ODAD2: variants seen among roughly 807,000 people sequenced by gnomAD.
ODAD2 encodes the protein outer dynein arm-docking complex subunit 2.
Under a neutral mutation model 106.8 loss-of-function variants are expected in ODAD2, and 89 were observed. That is an observed-to-expected ratio of 0.83 (90% CI 0.70 to 0.99). The LOEUF is 0.99. ODAD2 is among the 50% of genes least tolerant of loss of function. The probability of loss-of-function intolerance (pLI) is 0.00; values close to 1 mark genes in which losing one functional copy is unlikely to be tolerated. For missense variants in ODAD2, 1,168 were observed against 1,238.5 expected (o/e 0.94, Z 0.85); for synonymous variants, 404 against 436.2 (o/e 0.93, Z 0.92).
intron 19 of ODAD2, among the ~76,000 whole-genome samples, chr10:27,840,055 A>C (rs904275823): frequency 6.6e-6 from 1 of 152,210 alleles, no homozygotes; most frequent in Non-Finnish European, 1.5e-5. Context: ...GCCTTATGAA[A>C]GAGTTCTTTA....
intron 17 of ODAD2, among the ~76,000 whole-genome samples, chr10:27,880,120 G>A (rs1490453291): frequency 1.3e-5 from 2 of 152,140 alleles, no homozygotes; most frequent in Non-Finnish European, 2.9e-5. Flanking sequence ...AAGCTTTAAA[G>A]TTAGCTGAAA....
At chr10:27,937,157 AG>A in intron 14 of ODAD2, among the ~76,000 whole-genome samples, 1 of 152,260 alleles carries the variant, frequency 6.6e-6, no homozygotes, top group South Asian at 2.1e-4. Flanking sequence ...CCTGAGGCGA[AG>A]GTCAGTGGAA....
intron 19 of ODAD2, 76 bp downstream of exon 19, chr10:27,860,549 T>A: frequency 7.2e-7 from 1 of 1,389,318 alleles, no homozygotes; most frequent in Non-Finnish European, 1.0e-6. Context: ...TTTAGAGAAA[T>A]CTTAGTGATG....
chr10:27,976,437 A>T (rs1263902626), intron 7 of ODAD2, among the ~76,000 whole-genome samples: 4 of 152,144 alleles, frequency 2.6e-5, no homozygotes, highest in African/African-American at 9.7e-5. Flanking sequence ...GCATACAAAA[A>T]TCAAGTGTAT....
intron 19 of ODAD2, among the ~76,000 whole-genome samples, chr10:27,844,973 C>A (rs1170798346): frequency 6.6e-6 from 1 of 152,146 alleles, no homozygotes; most frequent in Non-Finnish European, 1.5e-5. Flanking sequence ...CTTCTAGGCA[C>A]ATTCAATTTT....
intron 6 of ODAD2, 60 bp downstream of exon 6, chr10:27,983,783 C>T: frequency 6.7e-7 from 1 of 1,495,996 alleles, no homozygotes; most frequent in South Asian, 1.2e-5. Context: ...ACCCTTGAGA[C>T]ATCTACAGCT....
chr10:27,915,489 G>A (rs764188316), intron 16 of ODAD2, among the ~76,000 whole-genome samples: 7 of 152,050 alleles, frequency 4.6e-5, no homozygotes, highest in African/African-American at 7.2e-5. Context: ...CTACCCTCAC[G>A]TCCTAATCAC....
At chr10:27,901,657 C>T (rs983732920) in intron 17 of ODAD2, among the ~76,000 whole-genome samples, 2 of 152,046 alleles carry the variant, frequency 1.3e-5, no homozygotes, top group African/African-American at 4.8e-5. Flanking sequence ...GCAGGGGTTG[C>T]AATCCTAGTC....
chr10:27,870,756 G>A (rs544393841), intron 17 of ODAD2, among the ~76,000 whole-genome samples: 1 of 152,208 alleles, frequency 6.6e-6, no homozygotes, highest in South Asian at 2.1e-4. Flanking sequence ...CTCTATCATT[G>A]ATGGACATTT....
intron 19 of ODAD2, among the ~76,000 whole-genome samples, chr10:27,855,077 T>G (rs935632653): frequency 3.3e-5 from 5 of 152,140 alleles, no homozygotes; most frequent in African/African-American, 1.2e-4. Context: ...CATTTTGGTT[T>G]GGTAATAGTT....
intron 16 of ODAD2, among the ~76,000 whole-genome samples, chr10:27,924,565 G>GA (rs1237879043): frequency 4.9e-5 from 1 of 20,304 alleles, no homozygotes. Flanking sequence ...AAAATTTTCA[G>GA]AAAAAAAATT....
chr10:27,994,776 T>G (rs1342198695), intron 2 of ODAD2, 143 bp downstream of exon 2: 1 of 817,696 alleles, frequency 1.2e-6, no homozygotes, highest in African/African-American at 1.7e-5. Context: ...AGACTTCACC[T>G]GTGTGTCTCT....
intron 10 of ODAD2, chr10:27,959,102 C>A: frequency 2.1e-6 from 2 of 943,774 alleles, no homozygotes; most frequent in Non-Finnish European, 2.8e-6. Context: ...TTTGGGAGGC[C>A]AATGTAGGAA....
At position 27,854,971 on chromosome 10, in the gene ODAD2, T is replaced by C. The variant is rs374388468; in HGVS notation, c.3021+5654A>G. 5.9e-5 allele frequency among the ~76,000 whole-genome samples: 9 copies of C among 152,252 alleles called. No individual in the cohort carries two copies. In the East Asian group the frequency reaches 1.7e-3, roughly 29 times the overall value. ...TTAAGTTCTAGAAAATGAAAACTTA[T>C]CTATATTGACAGAAAGCAGACCAGT... On this transcript the variant is annotated intron_variant, in intron 19 of 19. Transcript: ENST00000305242.
At chr10:27,866,300 G>T (rs1297930718) in intron 17 of ODAD2, among the ~76,000 whole-genome samples, 1 of 152,186 alleles carries the variant, frequency 6.6e-6, no homozygotes, top group Admixed American at 6.5e-5. Flanking sequence ...ATGACAGAGT[G>T]GCAGAAGCAG....
chr10:27,833,052 C>T (rs1837606117), intron 19 of ODAD2, among the ~76,000 whole-genome samples: 1 of 152,130 alleles, frequency 6.6e-6, no homozygotes, highest in Non-Finnish European at 1.5e-5. Flanking sequence ...TGGCTTTCCC[C>T]CTTGCCTGGC....
intron 2 of ODAD2, among the ~76,000 whole-genome samples, chr10:27,988,408 G>T (rs548029465): frequency 6.7e-5 from 10 of 150,228 alleles, no homozygotes; most frequent in African/African-American, 1.7e-4. Context: ...CGTGATCTCG[G>T]GTCACTGCAA....
chr10:27,877,462 T>C (rs1310831699), intron 17 of ODAD2, among the ~76,000 whole-genome samples: 1 of 152,022 alleles, frequency 6.6e-6, no homozygotes, highest in Non-Finnish European at 1.5e-5. Context: ...CAGGGAAACA[T>C]TAGGCTCAAA....
chr10:27,925,683 G>T (rs1284740569), intron 16 of ODAD2, among the ~76,000 whole-genome samples: 1 of 152,064 alleles, frequency 6.6e-6, no homozygotes, highest in African/African-American at 2.4e-5. Flanking sequence ...TAGAAATTGA[G>T]AGATAATTTT....
Sources: allele counts gnomAD v4.1 joint callset (sites outside exome capture counted in the v4.1 genomes callset), GRCh38; gene constraint gnomAD v4.1.1; transcripts MANE v1.5; gene names NCBI Gene and HGNC (gene_info 2026-07-23, HGNC 2026-07-21).